Variants in MTSS1 observed in about 807,000 individuals in gnomAD.
The protein encoded by MTSS1 is MTSS I-BAR domain containing 1.
MTSS1 carries 18 observed loss-of-function variants against 79.0 expected under a neutral mutation model. That is an observed-to-expected ratio of 0.23 (90% CI 0.16 to 0.34). MTSS1 has a LOEUF of 0.34. Ranked by LOEUF, MTSS1 falls within the 10% of genes least tolerant of loss-of-function variation. MTSS1 has a pLI of 1.00. For synonymous variants in MTSS1, 341 were observed against 368.6 expected (o/e 0.93, Z 0.86); for missense variants, 815 against 986.2 (o/e 0.83, Z 2.33).
rs1825670815 is a variant in MTSS1, at chr8:124,562,998, G to C, written c.825-6C>G. On this transcript the variant is annotated splice_polypyrimidine_tract_variant and splice_region_variant and intron_variant, in intron 9 of 13. Coordinates refer to ENST00000518547, the MANE Select transcript of MTSS1 (RefSeq NM_014751.6). ...TGTTGACACTGTTCAGGCTGCTGTG[G>C]AGGACAAGCAGGGGTGAGGGGTGGG... is the stretch of plus-strand genomic sequence containing the variant. The C allele has an allele frequency of 6.2e-7, 1 of 1,600,638 alleles. No homozygotes were observed. The highest frequency in any genetic ancestry group is 1.7e-5 in the Admixed American group (1 of 57,794).
At chr8:124,604,392 T>C (rs77636436) in intron 3 of MTSS1, among the ~76,000 whole-genome samples, 3,692 of 152,172 alleles carry the variant, frequency 0.024, 77 homozygotes, top group South Asian at 0.1. Context: ...TCAAGGAAAC[T>C]AAGAGAAGAG....
chr8:124,568,824 C>G, intron 6 of MTSS1: 1 of 1,439,284 alleles, frequency 6.9e-7, no homozygotes, highest in Non-Finnish European at 9.1e-7. Flanking sequence ...CCCCCACCAA[C>G]TCTTCTGCCA....
Position 124,552,881 on chromosome 8 carries a change from T to G in MTSS1, c.*111A>C. On this transcript the variant is annotated 3_prime_UTR_variant, in exon 14 of 14. Transcript: ENST00000518547. ...GTCGAGTACTTTCAAAAGAGCTATA[T>G]TCCGAGTTGCCTACAAAATCTTTTG... is the stretch of plus-strand genomic sequence containing the variant. The G allele has an allele frequency of 9.2e-7, 1 of 1,085,362 alleles. No homozygotes were observed. Among genetic ancestry groups the G allele is most frequent in the Non-Finnish European group, 1.3e-6 (1 of 759,422 alleles). 67.2% of individuals were successfully genotyped at this position (1,085,362 alleles called of 1,614,324 possible).
intron 10 of MTSS1, among the ~76,000 whole-genome samples, chr8:124,562,554 C>T (rs993667274): frequency 8.5e-5 from 13 of 152,162 alleles, no homozygotes; most frequent in Admixed American, 3.3e-4. Flanking sequence ...CTCCCCAAAT[C>T]GATGTGGTAA....
At chr8:124,646,611 T>C (rs10216358) in intron 3 of MTSS1, among the ~76,000 whole-genome samples, 15,552 of 152,224 alleles carry the variant, frequency 0.1, 945 homozygotes, top group African/African-American at 0.17. Flanking sequence ...TTGGATGTGA[T>C]GAAAGCAGGG....
intron 13 of MTSS1, among the ~76,000 whole-genome samples, chr8:124,555,169 T>C (rs1823329220): frequency 6.6e-6 from 1 of 152,194 alleles, no homozygotes. Context: ...TTACAGCACA[T>C]GTCTCCATTC....
rs1826384888 is a variant in MTSS1 at position 124,683,066 on chromosome 8, A to C, written c.208+16460T>G. On this transcript the variant is annotated intron_variant, in intron 3 of 13. Transcript: ENST00000518547. This position sits in a 1 kb window ranked among gnomAD's most constrained non-coding sequence, Gnocchi z 4.5. ...CTCCTGATGTTTCCTAAAGTAGTGA[A>C]ATGACAGTACATTCAACTATCTGGC... 6.6e-6 allele frequency among the ~76,000 whole-genome samples: 1 copy of C among 152,166 alleles called. No individual in the cohort carries two copies. The highest frequency in any genetic ancestry group is 6.5e-5 in the Admixed American group (1 of 15,282).
Position 124,597,054 on chromosome 8 carries a change from G to A in MTSS1, c.209-5819C>T, listed in dbSNP as rs114817297. ...CAACCTATCTTTCTGGGGGTGCGCC[G>A]CAGTCCACGGCCCACATCCTACCGT... On this transcript the variant is annotated intron_variant, in intron 3 of 13. Transcript: ENST00000518547. This position sits in a 1 kb window ranked among gnomAD's most constrained non-coding sequence, Gnocchi z 4.6. Among the ~76,000 whole-genome samples, 1,600 of 152,182 alleles carry A rather than the reference G, an allele frequency of 0.011. 33 individuals carry two copies. Among genetic ancestry groups the A allele is most frequent in the African/African-American group, 0.036 (1,503 of 41,496 alleles).
At position 124,722,279 on chromosome 8, in the gene MTSS1, C is replaced by A. The variant is rs144128594; in HGVS notation, c.72+5605G>T. On this transcript the variant is annotated intron_variant, in intron 1 of 13. Transcript: ENST00000518547. ...CAGACTTACAAGGGCCCTTGTCCAG[C>A]CCCCAGAGAATCTTAAACAACCCAA... is the stretch of plus-strand genomic sequence containing the variant. 5.1e-3 allele frequency among the ~76,000 whole-genome samples: 780 copies of A among 152,228 alleles called. 6 individuals carry two copies. The highest frequency in any genetic ancestry group is 0.018 in the African/African-American group (734 of 41,518).
chr8:124,637,375 T>G (rs946290749), intron 3 of MTSS1, among the ~76,000 whole-genome samples: 5 of 152,160 alleles, frequency 3.3e-5, no homozygotes, highest in African/African-American at 1.2e-4. Flanking sequence ...TGCACACTCA[T>G]GGCCAATCTA....
chr8:124,649,420 G>A lies in MTSS1; in HGVS notation c.208+50106C>T, dbSNP rs117041781. 2.7e-4 allele frequency among the ~76,000 whole-genome samples: 41 copies of A among 152,250 alleles called. No homozygotes were observed. The East Asian group carries it at 7.1e-3, about 27-fold the overall frequency. ...ACAGAGCAGCGATGGAGTCGGGGGCGCTGAGATGGGAGCTATGCTTCCTGA... is the reference window on the plus strand; with the variant it reads ...ACAGAGCAGCGATGGAGTCGGGGGCACTGAGATGGGAGCTATGCTTCCTGA... On this transcript the variant is annotated intron_variant, in intron 3 of 13. Coordinates refer to ENST00000518547, the MANE Select transcript of MTSS1 (RefSeq NM_014751.6).
At chr8:124,595,824 G>A (rs1232573057) in intron 3 of MTSS1, among the ~76,000 whole-genome samples, 1 of 152,196 alleles carries the variant, frequency 6.6e-6, no homozygotes, top group Non-Finnish European at 1.5e-5. Flanking sequence ...GTGGCTGACT[G>A]CAGCACCCAT....
At chr8:124,604,275 T>C (rs934255440) in intron 3 of MTSS1, among the ~76,000 whole-genome samples, 1 of 151,838 alleles carries the variant, frequency 6.6e-6, no homozygotes, top group South Asian at 2.1e-4. Flanking sequence ...AGTTGATGAA[T>C]TTGTGTTGGG....
rs545034309 is a variant in MTSS1, at chr8:124,587,189, T to C, written c.386-2028A>G. 2.3e-4 allele frequency among the ~76,000 whole-genome samples: 35 copies of C among 152,312 alleles called. No individual in the cohort carries two copies. The East Asian group carries it at 6.2e-3, about 27-fold the overall frequency. ...AGGGGCCTGGCCGGATGGTTGTCTATGCATCCCCAGGGCCTCAACGAGTCC... is the reference window on the plus strand; with the variant it reads ...AGGGGCCTGGCCGGATGGTTGTCTACGCATCCCCAGGGCCTCAACGAGTCC... On this transcript the variant is annotated intron_variant, in intron 5 of 13. Transcript: ENST00000518547.
At chr8:124,699,699 CT>C (rs1268786611) in intron 2 of MTSS1, 100 bp from the exon 3 acceptor site, 1 of 1,070,922 alleles carries the variant, frequency 9.3e-7, no homozygotes, top group Non-Finnish European at 1.4e-6. Flanking sequence ...TACATGTAAC[CT>C]TCCTCCAGAA....
chr8:124,596,986 G>A (rs1424974678), intron 3 of MTSS1, among the ~76,000 whole-genome samples: 1 of 152,100 alleles, frequency 6.6e-6, no homozygotes, highest in East Asian at 1.9e-4. Flanking sequence ...CAAAGACCCT[G>A]TGTCCAAATG....
chr8:124,568,949 G>C (rs1387785022), intron 6 of MTSS1: 2 of 976,276 alleles, frequency 2.0e-6, no homozygotes, highest in African/African-American at 3.3e-5. Flanking sequence ...AAACGGGCAC[G>C]GGCTGGCTTT....
At chr8:124,556,441 C>CT in intron 11 of MTSS1, 36 bp from the exon 12 acceptor site, 1 of 1,572,134 alleles carries the variant, frequency 6.4e-7, no homozygotes, top group Non-Finnish European at 8.6e-7. Context: ...GCCAGGGCCT[C>CT]TGCCTCCACT....
intron 3 of MTSS1, among the ~76,000 whole-genome samples, chr8:124,637,526 G>A (rs1177202371): frequency 6.6e-6 from 1 of 152,222 alleles, no homozygotes; most frequent in Non-Finnish European, 1.5e-5. Flanking sequence ...GGTATCTGGT[G>A]TTGGGAAGAT....
Sources: gnomAD v4.1 joint callset for allele counts (sites outside exome capture counted in the v4.1 genomes callset) on GRCh38, gnomAD v4.1.1 for gene constraint, Gnocchi (gnomAD v3.1) non-coding constraint, MANE v1.5 for transcripts, NCBI Gene and HGNC (gene_info 2026-07-23, HGNC 2026-07-21) for gene names.